The following NLGN1 variants were observed in gnomAD, a reference collection of about 807,000 sequenced individuals.
The protein encoded by NLGN1 is neuroligin 1.
NLGN1 carries 12 observed loss-of-function variants against 65.5 expected under a neutral mutation model. The ratio of observed to expected loss-of-function variants is 0.18; its 90% CI spans 0.12 to 0.30. The LOEUF (loss-of-function observed/expected upper bound fraction) is 0.30, where lower values mean the gene tolerates loss of function less well. Among genes scored for constraint, NLGN1 ranks in the 10% least tolerant of loss-of-function variants. The probability of loss-of-function intolerance (pLI) is 1.00; values close to 1 mark genes in which losing one functional copy is unlikely to be tolerated. For synonymous variants in NLGN1, 350 were observed against 359.5 expected, an observed-to-expected ratio of 0.97 and a Z score of 0.30; for missense variants, 750 against 1,007.1, an observed-to-expected ratio of 0.74 and a Z score of 3.46.
intron 4 of NLGN1, among the ~76,000 whole-genome samples, chr3:174,145,866 A>G (rs1723131346): frequency 6.6e-6 from 1 of 152,234 alleles, no homozygotes; most frequent in African/African-American, 2.4e-5. Context: ...AAATATTACA[A>G]ACTCCAATAG....
chr3:173,998,348 C>G (rs544864841), intron 4 of NLGN1, among the ~76,000 whole-genome samples: 1 of 152,250 alleles, frequency 6.6e-6, no homozygotes, highest in South Asian at 2.1e-4. Flanking sequence ...TTACAACACA[C>G]TGTTACAACT....
Position 174,118,425 on chromosome 3 carries a change from T to G in NLGN1, c.647-156890T>G, listed in dbSNP as rs1015424151. Among the ~76,000 whole-genome samples the G allele has an allele frequency of 4.6e-5, 7 of 152,154 alleles. No homozygotes were observed. In the South Asian group the frequency reaches 1.4e-3, roughly 32 times the overall value. On this transcript the variant is annotated intron_variant, in intron 4 of 6. Transcript: ENST00000457714. Reference sequence around the variant, plus strand: ...TTTCCAAAGCCTGTTTGTTGCAGGCTCTGAGAATTAAAACAAATAATAAGA... The same window carrying G: ...TTTCCAAAGCCTGTTTGTTGCAGGCGCTGAGAATTAAAACAAATAATAAGA...
downstream of NLGN1, among the ~76,000 whole-genome samples, chr3:174,290,612 TA>T (rs779856292): frequency 3.3e-4 from 50 of 151,214 alleles, no homozygotes; most frequent in South Asian, 1.5e-3. Context: ...TGAGTTTTTT[TA>T]AATGACTATA....
chr3:173,501,394 C>A (rs1239705276), intron 2 of NLGN1, among the ~76,000 whole-genome samples: 1 of 152,086 alleles, frequency 6.6e-6, no homozygotes, highest in East Asian at 1.9e-4. Context: ...GCTTATCTCT[C>A]AGACTTTCAC....
chr3:174,206,739 G>A (rs541267779), intron 4 of NLGN1, among the ~76,000 whole-genome samples: 102 of 152,268 alleles, frequency 6.7e-4, no homozygotes, highest in Admixed American at 1.6e-3. Flanking sequence ...GACCTGTGTG[G>A]AATGGGGAAA....
intron 4 of NLGN1, among the ~76,000 whole-genome samples, chr3:173,967,727 T>G (rs933618056): frequency 1.2e-4 from 18 of 152,200 alleles, no homozygotes; most frequent in African/African-American, 4.3e-4. Flanking sequence ...ATTCTGTCTC[T>G]GAACTTATCA....
chr3:173,992,934 A>AT (rs1366886676), intron 4 of NLGN1, among the ~76,000 whole-genome samples: 1 of 152,168 alleles, frequency 6.6e-6, no homozygotes, highest in African/African-American at 2.4e-5. Context: ...ATGGATCTTA[A>AT]TTTTATCCAT....
chr3:173,800,479 G>C (rs1715223096), intron 3 of NLGN1: 1 of 219,818 alleles, frequency 4.5e-6, no homozygotes, highest in Admixed American at 5.7e-5. Flanking sequence ...GATGTGTTTT[G>C]TCTTCTTGCT....
intron 3 of NLGN1, among the ~76,000 whole-genome samples, chr3:173,634,892 G>A (rs1448054025): frequency 6.6e-6 from 1 of 152,122 alleles, no homozygotes; most frequent in Non-Finnish European, 1.5e-5. Context: ...AGGATCCCTT[G>A]AGATGGCAAT....
intron 2 of NLGN1, among the ~76,000 whole-genome samples, chr3:173,453,603 T>G (rs1036022102): frequency 6.6e-6 from 1 of 152,206 alleles, no homozygotes; most frequent in African/African-American, 2.4e-5. Flanking sequence ...GCATCTTCTC[T>G]GGAAGATTCT....
At chr3:174,162,898 A>G (rs1347926354) in intron 4 of NLGN1, among the ~76,000 whole-genome samples, 1 of 151,720 alleles carries the variant, frequency 6.6e-6, no homozygotes, top group Non-Finnish European at 1.5e-5. Flanking sequence ...TAGGTAAATG[A>G]AATATCAGTT....
At chr3:173,882,992 T>C (rs922608833) in intron 4 of NLGN1, among the ~76,000 whole-genome samples, 10 of 144,890 alleles carry the variant, frequency 6.9e-5, no homozygotes, top group Non-Finnish European at 1.5e-4. Flanking sequence ...GATTTTAATA[T>C]TGCTGTTTCA....
At position 173,745,694 on chromosome 3, in the gene NLGN1, A is replaced by G. The variant is rs74715519; in HGVS notation, c.494-61986A>G. On this transcript the variant is annotated intron_variant, in intron 3 of 6. Coordinates refer to ENST00000457714, the Ensembl canonical transcript of NLGN1. ...GATCACACTGCAGGTGTTTAGGGAA[A>G]TCTCCAAGCATCAGGCTAGGTGTTT... 2.7e-3 allele frequency among the ~76,000 whole-genome samples: 405 copies of G among 152,158 alleles called. 2 individuals carry two copies. Among genetic ancestry groups the G allele is most frequent in the East Asian group, 0.012 (63 of 5,130 alleles).
intron 4 of NLGN1, among the ~76,000 whole-genome samples, chr3:174,128,601 C>T (rs969904469): frequency 6.6e-6 from 1 of 152,104 alleles, no homozygotes; most frequent in Non-Finnish European, 1.5e-5. Flanking sequence ...CCCCAAAGTC[C>T]ATGTAGTTCT....
intron 2 of NLGN1, among the ~76,000 whole-genome samples, chr3:173,600,655 G>C (rs1750370584): frequency 7.4e-6 from 1 of 135,248 alleles, no homozygotes; most frequent in South Asian, 2.5e-4. Flanking sequence ...TTTCCTGCTA[G>C]GCCCTGCTCC....
intron 4 of NLGN1, among the ~76,000 whole-genome samples, chr3:174,222,732 T>A (rs1447663949): frequency 1.3e-5 from 2 of 152,140 alleles, no homozygotes; most frequent in African/African-American, 2.4e-5. Context: ...AGTTTTCAGA[T>A]TCATAAGACA....
At chr3:174,225,457 C>T (rs888381161) in intron 4 of NLGN1, among the ~76,000 whole-genome samples, 2 of 152,134 alleles carry the variant, frequency 1.3e-5, no homozygotes, top group Non-Finnish European at 2.9e-5. Context: ...TCTGGCCGGG[C>T]GCGGTGGCTC....
At chr3:173,648,724 A>C (rs1240081541) in intron 3 of NLGN1, among the ~76,000 whole-genome samples, 1 of 151,958 alleles carries the variant, frequency 6.6e-6, no homozygotes, top group Admixed American at 6.6e-5. Flanking sequence ...ACAGGCATGC[A>C]CCACCACACC....
chr3:174,276,720 T>G (rs528257296), intron 5 of NLGN1, among the ~76,000 whole-genome samples: 94 of 152,020 alleles, frequency 6.2e-4, no homozygotes, highest in African/African-American at 2.2e-3. Flanking sequence ...TAACATTTCA[T>G]TTATATTAGT....
Sources: gnomAD v4.1 joint callset for allele counts (sites outside exome capture counted in the v4.1 genomes callset) on GRCh38, gnomAD v4.1.1 for gene constraint, MANE v1.5 for transcripts, NCBI Gene and HGNC (gene_info 2026-07-23, HGNC 2026-07-21) for gene names.